SERPINI1: variants seen among roughly 807,000 people sequenced by gnomAD.
The protein encoded by SERPINI1 is neuroserpin.
SERPINI1 carries 19 observed loss-of-function variants against 41.1 expected under a neutral mutation model. The ratio of observed to expected loss-of-function variants is 0.46; its 90% confidence interval spans 0.32 to 0.68. The LOEUF (loss-of-function observed/expected upper bound fraction) is 0.68, where lower values mean the gene tolerates loss of function less well. SERPINI1 is among the 30% of genes least tolerant of loss of function. SERPINI1 has a pLI of 0.03. For synonymous variants in SERPINI1, 138 were observed against 156.6 expected, an observed-to-expected ratio of 0.88 and a Z score of 0.89; for missense variants, 460 against 479.2, an observed-to-expected ratio of 0.96 and a Z score of 0.37.
chr3:167,767,070 A>T (rs552149691), intron 1 of SERPINI1, among the ~76,000 whole-genome samples: 1 of 152,354 alleles, frequency 6.6e-6, no homozygotes, highest in Admixed American at 6.5e-5. Context: ...GGACTTTCAT[A>T]GCTGGAGAGA....
chr3:167,788,984 T>C (rs1727402096), intron 1 of SERPINI1, 127 bp from the exon 2 acceptor site: 1 of 862,610 alleles, frequency 1.2e-6, no homozygotes, highest in African/African-American at 1.7e-5. Context: ...CCTCAGAACT[T>C]AGCAGTGTTA....
intron 1 of SERPINI1, among the ~76,000 whole-genome samples, chr3:167,755,794 A>AT (rs34182780): frequency 0.2 from 23,874 of 119,170 alleles, 3,182 homozygotes; most frequent in African/African-American, 0.35. Context: ...GGTGTTGCTG[A>AT]TTTTTTTTTT....
intron 1 of SERPINI1, among the ~76,000 whole-genome samples, chr3:167,775,015 GACTA>G (rs1408969019): frequency 6.6e-6 from 1 of 151,954 alleles, no homozygotes; most frequent in African/African-American, 2.4e-5. Context: ...GTGTACGTAT[GACTA>G]ACAGCCCTAT....
intron 1 of SERPINI1, among the ~76,000 whole-genome samples, chr3:167,736,725 T>A (rs1725462692): frequency 6.6e-6 from 1 of 152,212 alleles, no homozygotes; most frequent in South Asian, 2.1e-4. Context: ...TTAAACTATA[T>A]GTGCATTCAA....
intron 6 of SERPINI1, among the ~76,000 whole-genome samples, chr3:167,815,282 A>G (rs895939683): frequency 6.6e-6 from 1 of 152,092 alleles, no homozygotes; most frequent in Non-Finnish European, 1.5e-5. Context: ...CTTTCTGGTT[A>G]TATTTTATTT....
rs149420280 is a variant in SERPINI1, at chr3:167,807,476, A to T, written c.979+135A>T. The T allele has an allele frequency of 9.9e-4, 633 of 640,034 alleles. 4 individuals carry two copies. In the African/African-American group the frequency reaches 0.01, roughly 10 times the overall value. The allele number at this position is 640,034 out of a possible 1,614,324, so 39.6% of individuals were successfully genotyped here. On this transcript the variant is annotated intron_variant, in intron 6 of 8. Transcript: ENST00000446050. ...ACTTGCCAAATAAATCTAGCATGAA[A>T]TACATTTAACCTCTACAAGCAAAAC...
At position 167,820,940 on chromosome 3, in the gene SERPINI1, C is replaced by T. The variant is rs73036884; in HGVS notation, c.980-2046C>T. ...CCTCCCCTCTGAAGCCTATAAAAAC[C>T]CCCAAACTCAGTCAGACTTGAGCAG... On this transcript the variant is annotated intron_variant, in intron 6 of 8. Coordinates refer to ENST00000446050, the MANE Select transcript of SERPINI1 (RefSeq NM_001122752.2). 3.9e-5 allele frequency among the ~76,000 whole-genome samples: 6 copies of T among 152,178 alleles called. No individual in the cohort carries two copies. The South Asian group carries it at 6.2e-4, about 16-fold the overall frequency.
chr3:167,769,559 A>T (rs1726675917), intron 1 of SERPINI1, among the ~76,000 whole-genome samples: 1 of 152,216 alleles, frequency 6.6e-6, no homozygotes, highest in Non-Finnish European at 1.5e-5. Context: ...TGACCTTTGT[A>T]TAAGTAAGAA....
intron 6 of SERPINI1, among the ~76,000 whole-genome samples, chr3:167,813,161 G>A (rs1188004376): frequency 2.6e-5 from 4 of 152,084 alleles, no homozygotes; most frequent in African/African-American, 4.8e-5. Context: ...TTCTTCTTGC[G>A]CCTGTAAACT....
intron 1 of SERPINI1, among the ~76,000 whole-genome samples, chr3:167,736,991 T>C (rs1421816926): frequency 6.6e-6 from 1 of 152,072 alleles, no homozygotes; most frequent in Non-Finnish European, 1.5e-5. Context: ...TATTTCAGAG[T>C]CTGTCTCAAT....
Position 167,766,494 on chromosome 3 carries a change from C to T in SERPINI1, c.-18-22617C>T, listed in dbSNP as rs1357694775. 3.9e-5 allele frequency among the ~76,000 whole-genome samples: 6 copies of T among 152,200 alleles called. No homozygotes were observed. The East Asian group carries it at 7.7e-4, about 20-fold the overall frequency. ...TCTCTCCCACAACACGTGGGAATTA[C>T]GGGTGCTACAACTTGAGATTTGGGT... On this transcript the variant is annotated intron_variant, in intron 1 of 8. Coordinates refer to ENST00000446050, the MANE Select transcript of SERPINI1 (RefSeq NM_001122752.2).
At chr3:167,781,274 AAAC>A (rs758759724) in intron 1 of SERPINI1, among the ~76,000 whole-genome samples, 37 of 152,134 alleles carry the variant, frequency 2.4e-4, no homozygotes, top group Non-Finnish European at 4.1e-4. Flanking sequence ...CCAGTTTTCC[AAAC>A]ACCATGATAA....
chr3:167,788,088 G>A (rs1727372967), intron 1 of SERPINI1, among the ~76,000 whole-genome samples: 1 of 152,144 alleles, frequency 6.6e-6, no homozygotes, highest in Non-Finnish European at 1.5e-5. Flanking sequence ...TTACTTAATT[G>A]TATGAATAAA....
At chr3:167,752,483 T>C (rs1473860133) in intron 1 of SERPINI1, among the ~76,000 whole-genome samples, 2 of 152,152 alleles carry the variant, frequency 1.3e-5, no homozygotes, top group African/African-American at 4.8e-5. Flanking sequence ...ACCTCTGTCT[T>C]GTCCAATTTA....
At chr3:167,815,880 C>T (rs1386331384) in intron 6 of SERPINI1, among the ~76,000 whole-genome samples, 2 of 149,368 alleles carry the variant, frequency 1.3e-5, no homozygotes, top group Admixed American at 6.7e-5. Context: ...TAGCACTAGT[C>T]TGCTGGATCC....
chr3:167,821,529 A>T (rs935706284), intron 6 of SERPINI1, among the ~76,000 whole-genome samples: 1 of 152,286 alleles, frequency 6.6e-6, no homozygotes, highest in African/African-American at 2.4e-5. Flanking sequence ...GACTGTGTGC[A>T]GCAGACAGAC....
In SERPINI1 at chr3:167,759,400, G is replaced by GTATATATA. The variant is rs71753556; in HGVS notation, c.-19+23591_-19+23598dup. ...ATCAACATTGGATAAAGAAAATGTGGTATATATATATATATATATATGCGC... is the reference window on the plus strand; with the variant it reads ...ATCAACATTGGATAAAGAAAATGTGGTATATATATATATATATATATATATATATGCGC... On this transcript the variant is annotated intron_variant, in intron 1 of 8. Transcript: ENST00000446050. Among the ~76,000 whole-genome samples, 71 of 121,160 alleles carry GTATATATA rather than the reference G, an allele frequency of 5.9e-4. 5 individuals are homozygous for GTATATATA. The highest frequency in any genetic ancestry group is 1.5e-3 in the East Asian group (6 of 4,042). 79.5% of individuals were successfully genotyped at this position (121,160 alleles called of 152,430 possible). A position where few individuals can be genotyped will look rare whatever the true frequency, so the allele number is the denominator to read the frequency against.
chr3:167,744,521 T>TTAAG (rs1725781193), intron 1 of SERPINI1, among the ~76,000 whole-genome samples: 1 of 149,396 alleles, frequency 6.7e-6, no homozygotes, highest in Non-Finnish European at 1.5e-5. Context: ...GACAGTAAGA[T>TTAAG]TAAGAGCCAA....
At chr3:167,820,569 T>C (rs886830381) in intron 6 of SERPINI1, among the ~76,000 whole-genome samples, 2 of 152,226 alleles carry the variant, frequency 1.3e-5, no homozygotes, top group Non-Finnish European at 2.9e-5. Context: ...GGGGCAGTGC[T>C]GACACATCAA....
Sources: gnomAD v4.1 joint callset for allele counts (sites outside exome capture counted in the v4.1 genomes callset) on GRCh38, gnomAD v4.1.1 for gene constraint, MANE v1.5 for transcripts, NCBI Gene and HGNC (gene_info 2026-07-23, HGNC 2026-07-21) for gene names.